DNAH11: variants seen among roughly 807,000 people sequenced by gnomAD.
DNAH11 encodes axonemal beta dynein heavy chain 11.
A neutral mutation model predicts 526.0 loss-of-function variants in DNAH11; 442 were observed. The ratio of observed to expected loss-of-function variants is 0.84; its 90% CI spans 0.78 to 0.91. The LOEUF (loss-of-function observed/expected upper bound fraction) is 0.91. DNAH11 is among the 40% of genes least tolerant of loss of function. The pLI, the probability that DNAH11 is intolerant of heterozygous loss-of-function variation, is 0.00. For missense variants in DNAH11, 6,989 were observed against 5,448.7 expected, an observed-to-expected ratio of 1.28 and a Z score of -8.90; for synonymous variants, 2,461 against 1,935.9, an observed-to-expected ratio of 1.27 and a Z score of -7.12.
intron 65 of DNAH11, 97 bp from the exon 66 acceptor site, chr7:21,842,447 C>A: frequency 9.4e-7 from 1 of 1,060,362 alleles, no homozygotes; most frequent in Non-Finnish European, 1.3e-6. Context: ...GAGCTTCTGG[C>A]CAAGGTCCAT....
chr7:21,843,378 G>T (rs989949228), intron 66 of DNAH11, among the ~76,000 whole-genome samples: 5 of 151,962 alleles, frequency 3.3e-5, no homozygotes, highest in African/African-American at 9.7e-5. Flanking sequence ...CTTCCATAAG[G>T]ACTAGTGAAG....
At chr7:21,574,012 C>G (rs1195813421) in intron 8 of DNAH11, among the ~76,000 whole-genome samples, 1 of 152,194 alleles carries the variant, frequency 6.6e-6, no homozygotes, top group Admixed American at 6.5e-5. Flanking sequence ...TGCCGTGGTC[C>G]ATTTACAGAA....
At chr7:21,890,318 C>T (rs1784287002) in intron 76 of DNAH11, among the ~76,000 whole-genome samples, 1 of 152,164 alleles carries the variant, frequency 6.6e-6, no homozygotes. Flanking sequence ...AGGCACTTGT[C>T]ACATGTCTAT....
At chr7:21,892,791 T>C (rs548134802) in intron 77 of DNAH11, 124 bp downstream of exon 77, 2 of 1,112,722 alleles carry the variant, frequency 1.8e-6, no homozygotes, top group African/African-American at 3.2e-5. Context: ...AACCACCACC[T>C]AGATCAAAAT....
chr7:21,565,015 A>G (rs1219368737), intron 6 of DNAH11, among the ~76,000 whole-genome samples: 1 of 152,260 alleles, frequency 6.6e-6, no homozygotes, highest in Non-Finnish European at 1.5e-5. Context: ...TTGAGAGGTA[A>G]AAGATACTTG....
rs1202770509 is a variant in DNAH11, at chr7:21,901,278, C to G, written c.*24C>G. On this transcript the variant is annotated 3_prime_UTR_variant, in exon 82 of 82. Coordinates refer to ENST00000409508, the MANE Select transcript of DNAH11 (RefSeq NM_001277115.2). ...AAGGTAACACTGGCATTCCTCTAGC[C>G]TCTGCTGGAGTGCAGTGAGGATTTT... 1.3e-6 allele frequency: 2 copies of G among 1,591,274 alleles called. No individual in the cohort carries two copies. The highest frequency in any genetic ancestry group is 8.6e-7 in the Non-Finnish European group (1 of 1,167,850).
intron 54 of DNAH11, among the ~76,000 whole-genome samples, chr7:21,763,352 A>AAAAAAAGAAAAG (rs1787012273): frequency 8.9e-6 from 1 of 112,328 alleles, no homozygotes; most frequent in African/African-American, 3.1e-5. Flanking sequence ...AAAAAAAAAA[A>AAAAAAAGAAAAG]AAAAGAAAAA....
At chr7:21,680,208 T>A (rs1364948931) in intron 30 of DNAH11, among the ~76,000 whole-genome samples, 2 of 152,158 alleles carry the variant, frequency 1.3e-5, no homozygotes, top group African/African-American at 2.4e-5. Flanking sequence ...AATAGTACAG[T>A]AGTGGACCTG....
rs759044075 is a variant in DNAH11 at position 21,779,078 on chromosome 7, A to G, written c.9457A>G (p.Thr3153Ala). 1.2e-6 allele frequency: 2 copies of G among 1,613,028 alleles called. No individual in the cohort carries two copies. Among genetic ancestry groups the G allele is most frequent in the Non-Finnish European group, 1.7e-6 (2 of 1,179,344 alleles). Residue 3153 changes from threonine (T) to alanine (A), a missense_variant, in exon 57 of 82, where the codon ACC (threonine) becomes GCC (alanine). Thr to Ala is a moderately conservative substitution (Grantham distance 58). Coordinates refer to ENST00000409508, the MANE Select transcript of DNAH11 (RefSeq NM_001277115.2). ...LQTEKVSREK[T>A]IADAEERKVT... ...GACGGAGAAAGTGAGCCGGGAAAAG[A>G]CCATCGCTGATGCTGAGGAGCGAAA...
rs368992056 is a variant in DNAH11 at position 21,884,309 on chromosome 7, C to T, written c.12406C>T (p.Arg4136Cys). ...TCCACAGGTCCCATGGGAAGATCTCCGTTATCTCTTTGGTGAGATCATGTA... is the reference window on the plus strand; with the variant it reads ...TCCACAGGTCCCATGGGAAGATCTCTGTTATCTCTTTGGTGAGATCATGTA... Reference protein sequence around the residue: ...ANSKVPWEDLRYLFGEIMYGG... With the variant: ...ANSKVPWEDLCYLFGEIMYGG... The change falls in exon 76 of 82, where the codon CGT becomes TGT. Residue 4136 changes from arginine (R) to cysteine (C), a missense_variant. By Grantham distance (180) the Arg-to-Cys change is radical (BLOSUM62 -3). Transcript: ENST00000409508. 183 of 1,609,020 alleles carry T rather than the reference C, an allele frequency of 1.1e-4. No individual in the cohort carries two copies. The highest frequency in any genetic ancestry group is 1.5e-4 in the Non-Finnish European group (172 of 1,177,838).
At chr7:21,548,559 C>T (rs567438338) in intron 2 of DNAH11, among the ~76,000 whole-genome samples, 57 of 152,214 alleles carry the variant, frequency 3.7e-4, no homozygotes, top group Non-Finnish European at 6.6e-4. Flanking sequence ...TATGTATTTT[C>T]GGGTGTCTTA....
At position 21,717,747 on chromosome 7, in the gene DNAH11, A is replaced by G. The variant is rs73682678; in HGVS notation, c.6984-28A>G. On this transcript the variant is annotated intron_variant, in intron 42 of 81. Coordinates refer to ENST00000409508, the MANE Select transcript of DNAH11 (RefSeq NM_001277115.2). Reference sequence around the variant, plus strand: ...TTCTGCTTTTCAAGCCTAGTGTTCAATAAAAGCTTTTCTGTGTTCCTTTTC... The same window carrying G: ...TTCTGCTTTTCAAGCCTAGTGTTCAGTAAAAGCTTTTCTGTGTTCCTTTTC... The G allele has an allele frequency of 1.9e-3, 3,076 of 1,612,898 alleles. 48 individuals are homozygous for G. In the African/African-American group the frequency reaches 0.035, roughly 18 times the overall value.
chr7:21,628,154 G>A (rs10242111), intron 25 of DNAH11, among the ~76,000 whole-genome samples: 2 of 151,502 alleles, frequency 1.3e-5, no homozygotes, highest in African/African-American at 2.4e-5. Flanking sequence ...TGCAACTTGC[G>A]TAAACTTGTT....
chr7:21,808,250 T>G, intron 63 of DNAH11, among the ~76,000 whole-genome samples: 1 of 152,348 alleles, frequency 6.6e-6, no homozygotes, highest in Admixed American at 6.5e-5. Context: ...TTTTTAAAAA[T>G]GTTTTTATTG....
At chr7:21,652,451 A>G (rs1252680026) in intron 28 of DNAH11, among the ~76,000 whole-genome samples, 2 of 152,242 alleles carry the variant, frequency 1.3e-5, no homozygotes, top group African/African-American at 4.8e-5. Flanking sequence ...TAGTAAGATG[A>G]GAAGGAGGCA....
chr7:21,638,848 G>A, intron 27 of DNAH11, 91 bp from the exon 28 acceptor site: 1 of 1,436,992 alleles, frequency 7.0e-7, no homozygotes. Flanking sequence ...TTACTATAAT[G>A]AATGGACATA....
chr7:21,734,493 G>C (rs998248032), intron 45 of DNAH11, among the ~76,000 whole-genome samples: 3 of 152,198 alleles, frequency 2.0e-5, no homozygotes, highest in African/African-American at 7.2e-5. Flanking sequence ...TAAGCCCTGA[G>C]TATCACTGAA....
chr7:21,813,425 G>C (rs565301643), intron 63 of DNAH11, among the ~76,000 whole-genome samples: 2 of 152,128 alleles, frequency 1.3e-5, no homozygotes, highest in Non-Finnish European at 2.9e-5. Flanking sequence ...AGGGTTAAAT[G>C]AAAAAATGGA....
chr7:21,615,521 T>G (rs183530823), intron 21 of DNAH11, among the ~76,000 whole-genome samples: 1 of 151,894 alleles, frequency 6.6e-6, no homozygotes, highest in East Asian at 1.9e-4. Context: ...TCAAATCCTT[T>G]GGGGAGATTG....
Sources: gnomAD v4.1 joint callset for allele counts (sites outside exome capture counted in the v4.1 genomes callset) on GRCh38, gnomAD v4.1.1 for gene constraint, MANE v1.5 for transcripts, NCBI Gene and HGNC (gene_info 2026-07-23, HGNC 2026-07-21) for gene names.